Variants in AIDA observed in about 807,000 individuals in gnomAD.
AIDA encodes axin interactor, dorsalization associated, also known as axin interactor, dorsalization-associated protein.
In AIDA, 18 loss-of-function variants were observed where a neutral mutation model predicts 42.7. The observed-to-expected ratio is 0.42, with a 90% CI of 0.29 to 0.63. The LOEUF (loss-of-function observed/expected upper bound fraction) is 0.63, where lower values mean the gene tolerates loss of function less well. Among genes scored for constraint, AIDA ranks in the 20% least tolerant of loss-of-function variants. The probability of loss-of-function intolerance (pLI) is 0.19; values close to 1 mark genes in which losing one functional copy is unlikely to be tolerated. For synonymous variants in AIDA, 104 were observed against 122.9 expected (o/e 0.85, Z 1.02); for missense variants, 250 against 354.1 (o/e 0.71, Z 2.36).
At chr1:222,689,479 GTGTATATATA>G (rs1302396912) in intron 4 of AIDA, among the ~76,000 whole-genome samples, 877 of 45,224 alleles carry the variant, frequency 0.019, 27 homozygotes, top group African/African-American at 0.051. Flanking sequence ...ATGTGTGTGT[GTGTATATATA>G]TATATATATA....
chr1:222,689,481 G>GTATGTA lies in AIDA; in HGVS notation c.290-1824_290-1823insTACATA, dbSNP rs1553294373. 1.0e-3 allele frequency among the ~76,000 whole-genome samples: 37 copies of GTATGTA among 35,362 alleles called. 1 individual carries two copies. The highest frequency in any genetic ancestry group is 5.3e-3 in the Admixed American group (10 of 1,896). 23.2% of individuals were successfully genotyped at this position (35,362 alleles called of 152,430 possible). ...AAAGAAAATATGTATGTGTGTGTGTGTATATATATATATATATATATATAT... is the reference window on the plus strand; with the variant it reads ...AAAGAAAATATGTATGTGTGTGTGTGTATGTATATATATATATATATATATATATAT... On this transcript the variant is annotated intron_variant, in intron 4 of 9. Coordinates refer to ENST00000340020, the MANE Select transcript of AIDA (RefSeq NM_022831.4).
In AIDA at chr1:222,701,912, C is replaced by T. The variant is rs1039569861; in HGVS notation, c.180+1236G>A. 2.6e-5 allele frequency among the ~76,000 whole-genome samples: 4 copies of T among 151,728 alleles called. No homozygotes were observed. In the East Asian group the frequency reaches 5.8e-4, roughly 22 times the overall value. On this transcript the variant is annotated intron_variant, in intron 2 of 9. Transcript: ENST00000340020. ...CTAATTTTTGTATTTTTAGTAGAGA[C>T]GGGGTTTTACCATATTGGCCAGGCT... is the stretch of plus-strand genomic sequence containing the variant.
chr1:222,705,143 C>T (rs2124969583), intron 1 of AIDA, among the ~76,000 whole-genome samples: 1 of 152,322 alleles, frequency 6.6e-6, no homozygotes, highest in Middle Eastern at 3.4e-3. Context: ...CAAGATAGCT[C>T]CACTGTGTTA....
intron 7 of AIDA, among the ~76,000 whole-genome samples, chr1:222,675,029 T>C (rs1444619018): frequency 2.0e-5 from 3 of 152,234 alleles, no homozygotes; most frequent in Non-Finnish European, 4.4e-5. Context: ...TGATACCTGA[T>C]AACATCAGAA....
Position 222,668,106 on chromosome 1 carries a change from T to C in AIDA, c.*1787A>G, listed in dbSNP as rs1471015048. 1 of 152,218 alleles carries C rather than the reference T, an allele frequency of 6.6e-6. No homozygotes were observed. Among genetic ancestry groups the C allele is most frequent in the Non-Finnish European group, 1.5e-5 (1 of 68,040 alleles). The allele number at this position is 152,218 out of a possible 1,614,324, so 9.4% of individuals were successfully genotyped here. ...GATAGCAGATGCTTCATATAAATTA[T>C]CATTTTGATATACATATCTTATGGT... On this transcript the variant is annotated 3_prime_UTR_variant, in exon 10 of 10. Transcript: ENST00000340020.
chr1:222,711,849 C>T (rs1656060030), intron 1 of AIDA: 1 of 247,384 alleles, frequency 4.0e-6, no homozygotes, highest in African/African-American at 2.3e-5. Context: ...GGAAAAGCAA[C>T]CTGGGAGAGG....
At chr1:222,671,555 T>C (rs954979516) in intron 8 of AIDA, among the ~76,000 whole-genome samples, 5 of 152,254 alleles carry the variant, frequency 3.3e-5, no homozygotes, top group South Asian at 4.1e-4. Flanking sequence ...GTGTACAGCA[T>C]TGGCACTTGG....
At chr1:222,709,381 A>C (rs551544908) in intron 1 of AIDA, among the ~76,000 whole-genome samples, 2 of 152,306 alleles carry the variant, frequency 1.3e-5, no homozygotes, top group Non-Finnish European at 1.5e-5. Context: ...CAGTGAGCCG[A>C]GATCGCGCCA....
intron 4 of AIDA, 52 bp downstream of exon 4, chr1:222,693,737 A>C (rs879842274): frequency 7.2e-7 from 1 of 1,396,362 alleles, no homozygotes; most frequent in African/African-American, 1.4e-5. Flanking sequence ...AACATCTACA[A>C]TAGATTATTT....
chr1:222,672,478 T>C (rs1457467468), intron 8 of AIDA, among the ~76,000 whole-genome samples: 1 of 152,204 alleles, frequency 6.6e-6, no homozygotes, highest in Admixed American at 6.5e-5. Flanking sequence ...GAGGGCTTCC[T>C]AAAACAGACT....
intron 1 of AIDA, 132 bp downstream of exon 1, chr1:222,712,076 A>G: frequency 7.2e-7 from 1 of 1,393,948 alleles, no homozygotes; most frequent in Non-Finnish European, 9.8e-7. Context: ...GAGGGATCTC[A>G]GCCCCAGTGC....
At chr1:222,700,976 G>GC (rs1250122741) in intron 2 of AIDA, among the ~76,000 whole-genome samples, 1 of 146,934 alleles carries the variant, frequency 6.8e-6, no homozygotes, top group Non-Finnish European at 1.5e-5. Flanking sequence ...TTTTTTGGGG[G>GC]GGGGGGGACA....
chr1:222,671,135 T>A (rs3008632), intron 8 of AIDA, among the ~76,000 whole-genome samples: 145,648 of 152,134 alleles, frequency 0.96, 69,752 homozygotes, highest in Admixed American at 0.98. Flanking sequence ...GCTGAGTTGG[T>A]AGGACTGCCT....
intron 6 of AIDA, among the ~76,000 whole-genome samples, chr1:222,677,137 C>T (rs546068361): frequency 6.6e-6 from 1 of 151,946 alleles, no homozygotes; most frequent in African/African-American, 2.4e-5. Flanking sequence ...TTATAAGATA[C>T]TTGATATTTT....
chr1:222,695,604 A>G (rs972365442), intron 2 of AIDA, among the ~76,000 whole-genome samples: 1 of 152,252 alleles, frequency 6.6e-6, no homozygotes, highest in Non-Finnish European at 1.5e-5. Context: ...AATAGTAATC[A>G]GAACAAAAAT....
At chr1:222,687,261 C>A (rs1455351160) in intron 5 of AIDA, among the ~76,000 whole-genome samples, 1 of 152,010 alleles carries the variant, frequency 6.6e-6, no homozygotes, top group African/African-American at 2.4e-5. Context: ...GAAATCCCGT[C>A]TCTACTAAAA....
intron 6 of AIDA, among the ~76,000 whole-genome samples, chr1:222,677,860 T>C (rs931150806): frequency 2.0e-5 from 3 of 152,176 alleles, no homozygotes; most frequent in African/African-American, 7.2e-5. Flanking sequence ...GTTTCTAATA[T>C]ATTACTATTA....
At chr1:222,687,786 CATTT>C in intron 4 of AIDA, 128 bp from the exon 5 acceptor site, 2 of 682,742 alleles carry the variant, frequency 2.9e-6, no homozygotes, top group South Asian at 4.9e-5. Flanking sequence ...GCCTTACCAC[CATTT>C]GAGAGCTACA....
intron 4 of AIDA, among the ~76,000 whole-genome samples, chr1:222,693,285 T>A (rs1224553278): frequency 6.6e-6 from 1 of 152,170 alleles, no homozygotes; most frequent in Admixed American, 6.5e-5. Flanking sequence ...AGAACATTCA[T>A]CTAAACCAGC....
Sources: allele counts gnomAD v4.1 joint callset (sites outside exome capture counted in the v4.1 genomes callset), GRCh38; gene constraint gnomAD v4.1.1; transcripts MANE v1.5; gene names NCBI Gene and HGNC (gene_info 2026-07-23, HGNC 2026-07-21).